RASGRF2: variants seen among roughly 807,000 people sequenced by gnomAD.
The protein encoded by RASGRF2 is Ras protein specific guanine nucleotide releasing factor 2, also known as ras-specific guanine nucleotide-releasing factor 2.
RASGRF2 carries 76 observed loss-of-function variants against 151.0 expected under a neutral mutation model. The observed-to-expected ratio is 0.50, with a 90% CI of 0.42 to 0.61. RASGRF2 has a LOEUF of 0.61. Among genes scored for constraint, RASGRF2 ranks in the 20% least tolerant of loss-of-function variants. RASGRF2 has a pLI of 0.00. For synonymous variants in RASGRF2, 504 were observed against 566.5 expected (o/e 0.89, Z 1.57); for missense variants, 1,148 against 1,564.6 (o/e 0.73, Z 4.49).
intron 1 of RASGRF2, among the ~76,000 whole-genome samples, chr5:81,034,176 C>A (rs1750378971): frequency 6.6e-6 from 1 of 152,004 alleles, no homozygotes. Context: ...GACATTTATG[C>A]AGCCAAAAAA....
rs560377709 is a variant in RASGRF2, at chr5:81,047,708, A to G, written c.395+4725A>G. ...CTTTGTTTCACCCTGTCAGTCTCCAACCTGACGAGCAGAGAGACTTTATCA... is the reference window on the plus strand; with the variant it reads ...CTTTGTTTCACCCTGTCAGTCTCCAGCCTGACGAGCAGAGAGACTTTATCA... On this transcript the variant is annotated intron_variant, in intron 2 of 26. Coordinates refer to ENST00000265080, the MANE Select transcript of RASGRF2 (RefSeq NM_006909.3). Among the ~76,000 whole-genome samples the G allele has an allele frequency of 5.2e-5, 8 of 152,386 alleles. No individual in the cohort carries two copies. In the East Asian group the frequency reaches 1.5e-3, roughly 29 times the overall value.
intron 18 of RASGRF2, among the ~76,000 whole-genome samples, chr5:81,199,444 G>A: frequency 6.6e-6 from 1 of 152,178 alleles, no homozygotes; most frequent in East Asian, 1.9e-4. Context: ...TTGGGGTAAG[G>A]TGTTATCTGC....
chr5:81,112,997 C>A, intron 14 of RASGRF2, 139 bp downstream of exon 14: 1 of 1,131,702 alleles, frequency 8.8e-7, no homozygotes, highest in Non-Finnish European at 1.2e-6. Context: ...CCATGCCCCT[C>A]CAGCAGAAGG....
At chr5:81,180,075 T>TCG in intron 17 of RASGRF2, 100 bp from the exon 18 acceptor site, 2 of 690,344 alleles carry the variant, frequency 2.9e-6, no homozygotes, top group Admixed American at 2.0e-5. Flanking sequence ...AAGTGTCATC[T>TCG]GTGAGTTTCG....
At chr5:81,114,032 A>C (rs1753081989) in intron 15 of RASGRF2, 112 bp downstream of exon 15, 1 of 1,334,618 alleles carries the variant, frequency 7.5e-7, no homozygotes, top group Admixed American at 2.3e-5. Flanking sequence ...ATACTTCTGC[A>C]TAGAAAGTAG....
intron 17 of RASGRF2, among the ~76,000 whole-genome samples, chr5:81,130,892 A>C (rs957264179): frequency 2.0e-5 from 3 of 151,160 alleles, no homozygotes; most frequent in African/African-American, 7.4e-5. Context: ...TCCTAACAGG[A>C]AACAAGGTAT....
At chr5:81,086,052 C>T (rs1435687704) in intron 8 of RASGRF2, 141 bp downstream of exon 8, 21 of 1,364,026 alleles carry the variant, frequency 1.5e-5, no homozygotes, top group Non-Finnish European at 1.9e-5. Context: ...TAAATAGTAG[C>T]TTGTGAGGTG....
chr5:81,108,903 T>A, intron 12 of RASGRF2, 93 bp from the exon 13 acceptor site: 2 of 1,416,280 alleles, frequency 1.4e-6, no homozygotes, highest in Non-Finnish European at 9.4e-7. Context: ...AGAGAGAAAT[T>A]GAATGGATTC....
At chr5:81,215,209 T>C (rs1561263973) in intron 23 of RASGRF2, among the ~76,000 whole-genome samples, 1 of 151,796 alleles carries the variant, frequency 6.6e-6, no homozygotes, top group African/African-American at 2.4e-5. Flanking sequence ...TGTGGTGGCA[T>C]GCGCCTGTAA....
intron 2 of RASGRF2, among the ~76,000 whole-genome samples, chr5:81,050,381 G>C (rs1750972808): frequency 6.6e-6 from 1 of 152,122 alleles, no homozygotes; most frequent in Non-Finnish European, 1.5e-5. Context: ...AATATATACA[G>C]AGAAAGAGAG....
At chr5:81,072,114 A>G (rs1352596453) in intron 4 of RASGRF2, among the ~76,000 whole-genome samples, 1 of 152,212 alleles carries the variant, frequency 6.6e-6, no homozygotes, top group Non-Finnish European at 1.5e-5. Context: ...AGTGTTAACA[A>G]TGAATGAATC....
At chr5:81,130,104 C>G (rs763876037) in intron 17 of RASGRF2, among the ~76,000 whole-genome samples, 2 of 152,190 alleles carry the variant, frequency 1.3e-5, no homozygotes, top group Non-Finnish European at 2.9e-5. Flanking sequence ...CCTACTTCTC[C>G]CCTGCAGCTG....
intron 18 of RASGRF2, among the ~76,000 whole-genome samples, chr5:81,193,524 C>CTTT: frequency 6.6e-6 from 1 of 150,962 alleles, no homozygotes; most frequent in South Asian, 2.1e-4. Context: ...TTTTCTTTTT[C>CTTT]TTTTTTTTTG....
chr5:81,065,034 G>A (rs913392487), intron 2 of RASGRF2, among the ~76,000 whole-genome samples: 4 of 152,122 alleles, frequency 2.6e-5, no homozygotes, highest in South Asian at 4.1e-4. Flanking sequence ...TTCTACAGCA[G>A]CAAGGAAATG....
chr5:81,174,015 C>T (rs555625939), intron 17 of RASGRF2, among the ~76,000 whole-genome samples: 6 of 152,192 alleles, frequency 3.9e-5, no homozygotes, highest in Non-Finnish European at 5.9e-5. Flanking sequence ...AAGAATATCT[C>T]GGAGACAATA....
chr5:81,010,664 T>C (rs1749429233), intron 1 of RASGRF2, among the ~76,000 whole-genome samples: 2 of 152,362 alleles, frequency 1.3e-5, no homozygotes, highest in South Asian at 4.1e-4. Flanking sequence ...TCTAAAAGTC[T>C]GACAGCTGTA....
At position 81,228,705 on chromosome 5, in the gene RASGRF2, T is replaced by C. The variant is rs1756050889; in HGVS notation, c.*2935T>C. On this transcript the variant is annotated 3_prime_UTR_variant, in exon 27 of 27. Transcript: ENST00000265080. The stretch of plus-strand genomic sequence containing the variant: ...CCTTTTCGTTATTAACTGAGACATC[T>C]AGTTTTGCTACAGGGACAAATCTCT... 6.6e-6 allele frequency: 1 copy of C among 152,254 alleles called. No individual in the cohort carries two copies. The highest frequency in any genetic ancestry group is 2.1e-4 in the South Asian group (1 of 4,834). The allele number at this position is 152,254 out of a possible 1,614,324, so 9.4% of individuals were successfully genotyped here.
chr5:81,208,860 C>G (rs1023034770), intron 22 of RASGRF2, among the ~76,000 whole-genome samples: 2 of 152,100 alleles, frequency 1.3e-5, no homozygotes, highest in South Asian at 4.1e-4. Flanking sequence ...CTGCCACCCA[C>G]TTTTAAACAG....
rs193248840 is a variant in RASGRF2 at position 81,207,770 on chromosome 5, G to A, written c.3071+421G>A. Among the ~76,000 whole-genome samples, 1,237 of 152,302 alleles carry A rather than the reference G, an allele frequency of 8.1e-3. 8 individuals are homozygous for A. Among genetic ancestry groups the A allele is most frequent in the South Asian group, 0.028 (133 of 4,824 alleles). ...AGCTTCTGCCCCGCTGAACTGCCTG[G>A]TCAGGGCAACATGCGGTACAAGCCT... On this transcript the variant is annotated intron_variant, in intron 21 of 26. Coordinates refer to ENST00000265080, the MANE Select transcript of RASGRF2 (RefSeq NM_006909.3).
Sources: allele counts gnomAD v4.1 joint callset (sites outside exome capture counted in the v4.1 genomes callset), GRCh38; gene constraint gnomAD v4.1.1; transcripts MANE v1.5; gene names NCBI Gene and HGNC (gene_info 2026-07-23, HGNC 2026-07-21).